The following GPATCH2L variants were observed in gnomAD, a reference collection of about 807,000 sequenced individuals.
The protein encoded by GPATCH2L is G-patch domain containing 2 like, also known as G patch domain-containing protein 2-like.
A neutral mutation model predicts 57.4 loss-of-function variants in GPATCH2L; 31 were observed. The ratio of observed to expected loss-of-function variants is 0.54; its 90% confidence interval spans 0.41 to 0.73. The LOEUF (loss-of-function observed/expected upper bound fraction) is 0.73, where lower values mean the gene tolerates loss of function less well. Ranked by LOEUF, GPATCH2L falls within the 30% of genes least tolerant of loss-of-function variation. The pLI is 0.00. For missense variants in GPATCH2L, 481 were observed against 599.9 expected (o/e 0.80, Z 2.07); for synonymous variants, 199 against 210.7 (o/e 0.94, Z 0.48).
rs34800017 is a variant in GPATCH2L at position 76,165,490 on chromosome 14, C to CA, written c.663-1158dup. Among the ~76,000 whole-genome samples, 865 of 87,546 alleles carry CA rather than the reference C, an allele frequency of 9.9e-3. 7 individuals are homozygous for CA. Among genetic ancestry groups the CA allele is most frequent in the African/African-American group, 0.028 (660 of 23,192 alleles). The allele number at this position is 87,546 out of a possible 152,430, so 57.4% of individuals were successfully genotyped here. On this transcript the variant is annotated intron_variant, in intron 2 of 9. Transcript: ENST00000261530. ...CTGGGCAATGAGCGAAACTCCATCT[C>CA]AAAAAAAAAAAAAAAGAAGAAATAG...
At chr14:76,182,321 C>T (rs2360976) in intron 8 of GPATCH2L, among the ~76,000 whole-genome samples, 114,105 of 145,120 alleles carry the variant, frequency 0.79, 45,341 homozygotes, top group South Asian at 0.88. Flanking sequence ...CGCGCCACTG[C>T]ACTCCAGCCT....
chr14:76,228,318 T>A (rs1197751047), intron 1 of GPATCH2L, among the ~76,000 whole-genome samples: 1 of 152,178 alleles, frequency 6.6e-6, no homozygotes, highest in African/African-American at 2.4e-5. Context: ...AGGGGGAACA[T>A]AAATACTTGG....
intron 8 of GPATCH2L, among the ~76,000 whole-genome samples, chr14:76,191,431 C>A (rs1038464750): frequency 2.0e-5 from 3 of 152,052 alleles, no homozygotes; most frequent in Non-Finnish European, 4.4e-5. Context: ...AGTTGCCTTA[C>A]CCACATGGTA....
chr14:76,222,549 A>G (rs1253804455), intron 1 of GPATCH2L, among the ~76,000 whole-genome samples: 2 of 151,822 alleles, frequency 1.3e-5, no homozygotes, highest in African/African-American at 2.4e-5. Context: ...CAAGGCTGCA[A>G]TGAGCTGAGA....
rs913445920 is a variant in GPATCH2L, at chr14:76,205,324, G to A, written c.*3473G>A. 1 of 152,150 alleles carries A rather than the reference G, an allele frequency of 6.6e-6. No individual in the cohort carries two copies. The highest frequency in any genetic ancestry group is 1.5e-5 in the Non-Finnish European group (1 of 68,036). The allele number at this position is 152,150 out of a possible 1,614,324, so 9.4% of individuals were successfully genotyped here. ...AAAGAAATTAGTAGCTTGTTTACCT[G>A]GTACCAGATTTGGAGGGGGCTGAGT... On this transcript the variant is annotated 3_prime_UTR_variant, in exon 10 of 10. Transcript: ENST00000261530.
intron 9 of GPATCH2L, among the ~76,000 whole-genome samples, chr14:76,200,885 C>G (rs556656240): frequency 6.6e-6 from 1 of 152,118 alleles, no homozygotes; most frequent in Non-Finnish European, 1.5e-5. Context: ...TATTTGTTCT[C>G]AGCAGAGTGG....
At chr14:76,188,659 T>C (rs1167537639) in intron 8 of GPATCH2L, among the ~76,000 whole-genome samples, 1 of 152,160 alleles carries the variant, frequency 6.6e-6, no homozygotes, top group East Asian at 1.9e-4. Context: ...GCGGGTTGTT[T>C]ATTCACTTTG....
chr14:76,231,486 C>A (rs1160764145), intron 2 of GPATCH2L, among the ~76,000 whole-genome samples: 1 of 152,050 alleles, frequency 6.6e-6, no homozygotes, highest in Non-Finnish European at 1.5e-5. Flanking sequence ...TACATTCCAT[C>A]TCTCTTTCTT....
rs113897471 is a variant in GPATCH2L at position 76,212,947 on chromosome 14, A to T, written c.*11096A>T. On this transcript the variant is annotated 3_prime_UTR_variant, in exon 10 of 10. Coordinates refer to ENST00000261530, the MANE Select transcript of GPATCH2L (RefSeq NM_017926.4). ...AGGAAATGCAAAGTATTAAAAAAAC[A>T]TTTCATATCTAAAATATAAACTTGT... 1 of 152,044 alleles carries T rather than the reference A, an allele frequency of 6.6e-6. No individual in the cohort carries two copies. Among genetic ancestry groups the T allele is most frequent in the African/African-American group, 2.4e-5 (1 of 41,350 alleles). The allele number at this position is 152,044 out of a possible 1,614,324, so 9.4% of individuals were successfully genotyped here.
rs567948448 is a variant in GPATCH2L at position 76,196,531 on chromosome 14, C to T, written c.1288+559C>T. 517 of 166,902 alleles carry T rather than the reference C, an allele frequency of 3.1e-3. 4 individuals carry two copies. The highest frequency in any genetic ancestry group is 0.022 in the Middle Eastern group (7 of 318). 10.3% of individuals were successfully genotyped at this position (166,902 alleles called of 1,614,324 possible). Reference sequence around the variant, plus strand: ...GTGGGGGGCAGTGACCAAGAGAGGGCACAAAGAAACCCTCTGGGCTGTTGG... The same window carrying T: ...GTGGGGGGCAGTGACCAAGAGAGGGTACAAAGAAACCCTCTGGGCTGTTGG... On this transcript the variant is annotated intron_variant, in intron 9 of 9. Transcript: ENST00000261530.
intron 2 of GPATCH2L, among the ~76,000 whole-genome samples, chr14:76,160,473 G>T (rs2038530734): frequency 6.6e-6 from 1 of 152,192 alleles, no homozygotes; most frequent in Middle Eastern, 3.2e-3. Context: ...AAGAGACCAA[G>T]TCTGTGAGTA....
At chr14:76,180,458 C>T (rs957314506) in intron 7 of GPATCH2L, among the ~76,000 whole-genome samples, 3 of 152,190 alleles carry the variant, frequency 2.0e-5, no homozygotes, top group African/African-American at 7.2e-5. Flanking sequence ...TCAGCAGGCA[C>T]AAGTTCCTGT....
At chr14:76,229,677 G>T (rs2040551853) in intron 1 of GPATCH2L, 1 of 152,028 alleles carries the variant, frequency 6.6e-6, no homozygotes, top group Admixed American at 6.6e-5. Flanking sequence ...TGGAGAATCT[G>T]CCCTCCTCCA....
At chr14:76,228,189 T>G (rs1193373960) in intron 1 of GPATCH2L, among the ~76,000 whole-genome samples, 1 of 152,194 alleles carries the variant, frequency 6.6e-6, no homozygotes, top group African/African-American at 2.4e-5. Context: ...ATTTAAAAGA[T>G]AATAAAGTGG....
At chr14:76,233,233 A>G (rs2139887086) in intron 2 of GPATCH2L, among the ~76,000 whole-genome samples, 1 of 152,348 alleles carries the variant, frequency 6.6e-6, no homozygotes, top group South Asian at 2.1e-4. Context: ...TATTGCCAAA[A>G]TGCTTCCCAA....
At chr14:76,168,740 T>C (rs938935781) in intron 3 of GPATCH2L, among the ~76,000 whole-genome samples, 6 of 152,228 alleles carry the variant, frequency 3.9e-5, no homozygotes, top group Admixed American at 3.9e-4. Context: ...GATGAGTAAG[T>C]GTGCTCTTCC....
chr14:76,212,472 A>G lies in GPATCH2L; in HGVS notation c.*10621A>G, dbSNP rs1244403339. 1 of 152,108 alleles carries G rather than the reference A, an allele frequency of 6.6e-6. No individual in the cohort carries two copies. Among genetic ancestry groups the G allele is most frequent in the Non-Finnish European group, 1.5e-5 (1 of 67,992 alleles). 9.4% of individuals were successfully genotyped at this position (152,108 alleles called of 1,614,324 possible). On this transcript the variant is annotated 3_prime_UTR_variant, in exon 10 of 10. Transcript: ENST00000261530. ...GACTCACGAGATAATGTTTCTAGATATCTGTGTACCAAATAATGGAAAACC... is the reference window on the plus strand; with the variant it reads ...GACTCACGAGATAATGTTTCTAGATGTCTGTGTACCAAATAATGGAAAACC...
At chr14:76,231,549 T>C (rs367743708) in intron 2 of GPATCH2L, among the ~76,000 whole-genome samples, 1 of 151,910 alleles carries the variant, frequency 6.6e-6, no homozygotes, top group Middle Eastern at 3.4e-3. Context: ...TTTGAGGAGT[T>C]TCTAGTCATG....
chr14:76,180,641 C>G (rs2039526417), intron 7 of GPATCH2L, 123 bp from the exon 8 acceptor site: 1 of 712,258 alleles, frequency 1.4e-6, no homozygotes, highest in Non-Finnish European at 2.5e-6. Context: ...CTGAACAGTG[C>G]CTGTGTTTGG....
Sources: allele counts gnomAD v4.1 joint callset (sites outside exome capture counted in the v4.1 genomes callset), GRCh38; gene constraint gnomAD v4.1.1; transcripts MANE v1.5; gene names NCBI Gene and HGNC (gene_info 2026-07-23, HGNC 2026-07-21).